SLC25A24: variants seen among roughly 807,000 people sequenced by gnomAD.
The protein encoded by SLC25A24 is solute carrier family 25 member 24.
SLC25A24 carries 49 observed loss-of-function variants against 60.7 expected under a neutral mutation model. The ratio of observed to expected loss-of-function variants is 0.81; its 90% CI spans 0.64 to 1.02. The LOEUF (loss-of-function observed/expected upper bound fraction) is 1.02, where lower values mean the gene tolerates loss of function less well. Ranked by LOEUF, SLC25A24 falls within the 50% of genes least tolerant of loss-of-function variation. The pLI, the probability that SLC25A24 is intolerant of heterozygous loss-of-function variation, is 0.00. For synonymous variants in SLC25A24, 202 were observed against 200.6 expected (o/e 1.01, Z -0.06); for missense variants, 564 against 586.3 (o/e 0.96, Z 0.39).
At chr1:108,147,920 C>G (rs1679651047) in intron 7 of SLC25A24, among the ~76,000 whole-genome samples, 1 of 152,082 alleles carries the variant, frequency 6.6e-6, no homozygotes, top group Admixed American at 6.6e-5. Flanking sequence ...TCTGTTGGAC[C>G]ACTGACTCTA....
At chr1:108,143,489 A>G (rs1384904221) in intron 8 of SLC25A24, 54 bp downstream of exon 8, 12 of 1,481,590 alleles carry the variant, frequency 8.1e-6, no homozygotes, top group Non-Finnish European at 8.3e-6. Flanking sequence ...ATAAAGTCCA[A>G]TTCTAACAAG....
chr1:108,144,002 G>A (rs1451001291), intron 7 of SLC25A24, among the ~76,000 whole-genome samples: 2 of 152,156 alleles, frequency 1.3e-5, no homozygotes, highest in African/African-American at 4.8e-5. Context: ...CCTGCATCTG[G>A]AAGGTGAGGG....
chr1:108,148,344 A>AT lies in SLC25A24; in HGVS notation c.864dup (p.Phe289IlefsTer2), dbSNP rs1558009607. The AT allele has an allele frequency of 6.8e-6, 11 of 1,613,018 alleles. No homozygotes were observed. Among genetic ancestry groups the AT allele is most frequent in the Non-Finnish European group, 8.5e-6 (10 of 1,179,138 alleles). On this transcript the variant is annotated frameshift_variant, in exon 7 of 10. Transcript: ENST00000565488. LOFTEE classifies it high-confidence loss of function. ...ATGGAACCAGAAATAAATCTCTCAA[A>AT]TGTTCCTATTTTTTGTCCTTCTTCA...
At chr1:108,142,484 T>G (rs1679469619) in intron 8 of SLC25A24, among the ~76,000 whole-genome samples, 1 of 152,160 alleles carries the variant, frequency 6.6e-6, no homozygotes, top group Non-Finnish European at 1.5e-5. Context: ...GAACAAACCT[T>G]AGAGACATTA....
chr1:108,141,000 C>G (rs1679429494), intron 8 of SLC25A24, among the ~76,000 whole-genome samples: 1 of 152,094 alleles, frequency 6.6e-6, no homozygotes, highest in African/African-American at 2.4e-5. Context: ...ATATAAATTG[C>G]TGAGTGAATA....
intron 1 of SLC25A24, among the ~76,000 whole-genome samples, chr1:108,188,458 C>T (rs184225016): frequency 1.1e-3 from 169 of 152,240 alleles, no homozygotes; most frequent in Non-Finnish European, 2.0e-3. Flanking sequence ...TAACTGCCTA[C>T]GGTATTCAGT....
chr1:108,160,336 G>A (rs1320423258), intron 4 of SLC25A24, among the ~76,000 whole-genome samples: 7 of 147,080 alleles, frequency 4.8e-5, no homozygotes, highest in African/African-American at 1.5e-4. Context: ...GGGAAGAGGC[G>A]CTCCTCACTT....
At chr1:108,193,241 C>T (rs868295948) in intron 1 of SLC25A24, among the ~76,000 whole-genome samples, 2 of 138,386 alleles carry the variant, frequency 1.4e-5, no homozygotes, top group African/African-American at 5.0e-5. Flanking sequence ...CAAGGGTATA[C>T]TGTGTGATAC....
chr1:108,162,522 AT>A (rs1209336215), intron 3 of SLC25A24, among the ~76,000 whole-genome samples: 1 of 149,488 alleles, frequency 6.7e-6, no homozygotes, highest in Non-Finnish European at 1.5e-5. Flanking sequence ...TGTGGTTTTG[AT>A]TTGCATTTCT....
chr1:108,145,359 G>A (rs923777609), intron 7 of SLC25A24, among the ~76,000 whole-genome samples: 3 of 152,074 alleles, frequency 2.0e-5, no homozygotes, highest in Non-Finnish European at 4.4e-5. Context: ...CCATTCTGTA[G>A]GTTGCCGGTT....
intron 4 of SLC25A24, 91 bp downstream of exon 4, chr1:108,161,091 T>C: frequency 1.5e-6 from 1 of 674,278 alleles, no homozygotes; most frequent in African/African-American, 1.9e-5. Context: ...TCAGGTATCC[T>C]GGCCCATAAG....
intron 6 of SLC25A24, among the ~76,000 whole-genome samples, chr1:108,153,639 G>GA (rs1223864648): frequency 5.3e-5 from 8 of 152,258 alleles, no homozygotes; most frequent in Middle Eastern, 3.4e-3. Context: ...GAGCCCATAA[G>GA]AACACTACAC....
chr1:108,199,873 G>T, intron 1 of SLC25A24, 83 bp downstream of exon 1: 1 of 1,114,080 alleles, frequency 9.0e-7, no homozygotes, highest in Non-Finnish European at 1.3e-6. Context: ...AACGCCTCAA[G>T]CCGCCGCCCT....
chr1:108,194,697 T>C (rs538749506), intron 1 of SLC25A24, among the ~76,000 whole-genome samples: 4 of 152,300 alleles, frequency 2.6e-5, no homozygotes, highest in East Asian at 3.9e-4. Flanking sequence ...CTACTTACTA[T>C]AGGGAGGGTT....
In SLC25A24 at chr1:108,163,622, G is replaced by A. The variant is rs1433572105; in HGVS notation, c.399-2329C>T. Among the ~76,000 whole-genome samples, 4 of 152,114 alleles carry A rather than the reference G, an allele frequency of 2.6e-5. No individual in the cohort carries two copies. In the East Asian group the frequency reaches 7.7e-4, roughly 29 times the overall value. On this transcript the variant is annotated intron_variant, in intron 3 of 9. Transcript: ENST00000565488. ...GTTGCTGGTGTATAAGAATGCTTGT[G>A]ATTTTTGTACATTGATTTTGTATCC... is the stretch of plus-strand genomic sequence containing the variant.
chr1:108,135,993 T>C lies in SLC25A24; in HGVS notation c.*660A>G, dbSNP rs889353062. On this transcript the variant is annotated 3_prime_UTR_variant, in exon 10 of 10. Coordinates refer to ENST00000565488, the MANE Select transcript of SLC25A24 (RefSeq NM_013386.5). Reference sequence around the variant, plus strand: ...TTGTGTTGGTAATTTAACAGTAATATACTGAAAATTAGTGTATAACTCCAG... The same window carrying C: ...TTGTGTTGGTAATTTAACAGTAATACACTGAAAATTAGTGTATAACTCCAG... The C allele has an allele frequency of 1.1e-4, 16 of 152,172 alleles. No homozygotes were observed. The highest frequency in any genetic ancestry group is 3.6e-4 in the African/African-American group (15 of 41,446). The allele number at this position is 152,172 out of a possible 1,614,324, so 9.4% of individuals were successfully genotyped here.
intron 8 of SLC25A24, among the ~76,000 whole-genome samples, chr1:108,141,605 G>C (rs891445975): frequency 6.6e-6 from 1 of 152,138 alleles, no homozygotes; most frequent in African/African-American, 2.4e-5. Context: ...TCAAGATGTA[G>C]AAACAATCCA....
intron 3 of SLC25A24, among the ~76,000 whole-genome samples, chr1:108,168,652 G>C (rs1441014206): frequency 1.3e-5 from 2 of 152,134 alleles, no homozygotes; most frequent in African/African-American, 2.4e-5. Flanking sequence ...TTTCTTTCAC[G>C]TGAAATATGC....
At chr1:108,149,856 T>G (rs573406627) in intron 6 of SLC25A24, among the ~76,000 whole-genome samples, 1 of 152,326 alleles carries the variant, frequency 6.6e-6, no homozygotes, top group South Asian at 2.1e-4. Context: ...CCCTGGGATC[T>G]AAAGTGCCCA....
Sources: allele counts gnomAD v4.1 joint callset (sites outside exome capture counted in the v4.1 genomes callset), GRCh38; gene constraint gnomAD v4.1.1; transcripts MANE v1.5; gene names NCBI Gene and HGNC (gene_info 2026-07-23, HGNC 2026-07-21).